BRD9: variants seen among roughly 807,000 people sequenced by gnomAD.
BRD9 encodes bromodomain-containing protein 9.
BRD9 carries 47 observed loss-of-function variants against 68.7 expected under a neutral mutation model. The observed-to-expected ratio is 0.68, with a 90% CI of 0.54 to 0.87. The LOEUF (loss-of-function observed/expected upper bound fraction) is 0.87, where lower values mean the gene tolerates loss of function less well. Among genes scored for constraint, BRD9 ranks in the 40% least tolerant of loss-of-function variants. The pLI is 0.00. For synonymous variants in BRD9, 313 were observed against 293.9 expected, an observed-to-expected ratio of 1.06 and a Z score of -0.67; for missense variants, 670 against 748.4, an observed-to-expected ratio of 0.90 and a Z score of 1.22.
intron 14 of BRD9, 84 bp downstream of exon 14, chr5:870,389 A>T (rs2150559894): frequency 9.6e-7 from 1 of 1,038,172 alleles, no homozygotes; most frequent in East Asian, 2.4e-5. Context: ...CTAGTCAGGA[A>T]GGGAGAGGAG....
At chr5:883,660 A>T in intron 8 of BRD9, 1 of 524,122 alleles carries the variant, frequency 1.9e-6, no homozygotes. Context: ...AAGAGAAAGG[A>T]TTAGCCTGCA....
intron 1 of BRD9, chr5:892,136 T>G: frequency 2.1e-6 from 1 of 483,564 alleles, no homozygotes; most frequent in East Asian, 4.1e-5. Flanking sequence ...GAAGATGGAT[T>G]AAGAGGGACC....
At chr5:871,229 G>A (rs1750085288) in intron 13 of BRD9, among the ~76,000 whole-genome samples, 1 of 152,196 alleles carries the variant, frequency 6.6e-6, no homozygotes, top group Admixed American at 6.5e-5. Context: ...CACCAAGCAG[G>A]TCCTGAGAAG....
intron 9 of BRD9, among the ~76,000 whole-genome samples, chr5:880,280 C>A: frequency 7.2e-6 from 1 of 138,890 alleles, no homozygotes. Context: ...ATGCTCAAGT[C>A]ACCACCCACA....
At chr5:875,689 A>G (rs1332190618) in intron 12 of BRD9, among the ~76,000 whole-genome samples, 1 of 152,202 alleles carries the variant, frequency 6.6e-6, no homozygotes, top group African/African-American at 2.4e-5. Flanking sequence ...AACCTATTTT[A>G]CAGTAGATGG....
At chr5:878,016 G>A (rs1751217687) in intron 11 of BRD9, among the ~76,000 whole-genome samples, 1 of 152,170 alleles carries the variant, frequency 6.6e-6, no homozygotes, top group South Asian at 2.1e-4. Flanking sequence ...CAGCCCCCAG[G>A]AATAAGACCC....
intron 2 of BRD9, 93 bp downstream of exon 2, chr5:891,547 A>C: frequency 1.3e-6 from 2 of 1,487,260 alleles, no homozygotes; most frequent in Non-Finnish European, 1.8e-6. Context: ...CCCCTCCTCC[A>C]GCCACGCAGG....
At chr5:880,634 C>T (rs555786308) in intron 9 of BRD9, among the ~76,000 whole-genome samples, 13 of 152,216 alleles carry the variant, frequency 8.5e-5, no homozygotes, top group Non-Finnish European at 1.9e-4. Context: ...TAATTACTTC[C>T]AGGCCAACAA....
intron 14 of BRD9, among the ~76,000 whole-genome samples, chr5:869,867 A>C (rs1749886012): frequency 6.6e-6 from 1 of 152,210 alleles, no homozygotes; most frequent in Non-Finnish European, 1.5e-5. Flanking sequence ...AAACATATCA[A>C]AACAAGCTGC....
intron 15 of BRD9, 110 bp from the exon 16 acceptor site, chr5:864,678 T>A (rs1410765146): frequency 1.1e-6 from 1 of 877,376 alleles, no homozygotes; most frequent in East Asian, 2.7e-5. Context: ...GCTCAGGGAC[T>A]CCCAGGACAC....
At chr5:883,275 C>T (rs919910339) in intron 8 of BRD9, 13 of 450,356 alleles carry the variant, frequency 2.9e-5, no homozygotes, top group Admixed American at 2.7e-4. Flanking sequence ...CTCAAATTAA[C>T]GTTTTCTACA....
intron 11 of BRD9, among the ~76,000 whole-genome samples, chr5:877,442 G>A (rs949717260): frequency 6.6e-6 from 1 of 152,166 alleles, no homozygotes; most frequent in African/African-American, 2.4e-5. Flanking sequence ...AGCACTAAGG[G>A]GATTCTTGTT....
intron 10 of BRD9, 111 bp from the exon 11 acceptor site, chr5:878,598 C>T: frequency 6.9e-7 from 1 of 1,456,772 alleles, no homozygotes; most frequent in Non-Finnish European, 9.4e-7. Flanking sequence ...GCCAGCACCC[C>T]AGTCTCACCT....
At chr5:886,525 A>G (rs1192753374) in intron 7 of BRD9, 67 bp downstream of exon 7, 1 of 1,437,798 alleles carries the variant, frequency 7.0e-7, no homozygotes, top group Non-Finnish European at 9.6e-7. Context: ...CTCCCCTACA[A>G]GGCACCTGCT....
chr5:871,439 C>G (rs1052677833), intron 13 of BRD9, 87 bp downstream of exon 13: 11 of 1,224,908 alleles, frequency 9.0e-6, no homozygotes, highest in African/African-American at 3.0e-5. Context: ...CGCCGTCATA[C>G]ACACAGACCT....
At chr5:873,630 G>A (rs558972013) in intron 12 of BRD9, among the ~76,000 whole-genome samples, 1 of 152,346 alleles carries the variant, frequency 6.6e-6, no homozygotes, top group East Asian at 1.9e-4. Context: ...GGGGAGGCCA[G>A]GATTTATACA....
Position 891,192 on chromosome 5 carries a change from G to A in BRD9, c.363C>T (p.Pro121=). Residue 121 remains proline (P), a synonymous_variant, in exon 3 of 16, where the codon CCC becomes CCT. Transcript: ENST00000467963. ...GGCACGCTCGGACTGGCCGATCTGG[G>A]GGCGGCTCCACCTCCACCTTCTTCC... is the stretch of plus-strand genomic sequence containing the variant. ...DPGKKVEVEP[P]PDRPVRACRT... The A allele has an allele frequency of 6.4e-7, 1 of 1,551,870 alleles. No homozygotes were observed. Among genetic ancestry groups the A allele is most frequent in the South Asian group, 1.2e-5 (1 of 84,062 alleles).
At chr5:877,144 T>C (rs1326870192) in intron 11 of BRD9, among the ~76,000 whole-genome samples, 1 of 152,198 alleles carries the variant, frequency 6.6e-6, no homozygotes, top group East Asian at 1.9e-4. Flanking sequence ...AGTCCACTGA[T>C]GTGCCACATG....
At chr5:883,354 C>T (rs1480409518) in intron 8 of BRD9, 2 of 456,838 alleles carry the variant, frequency 4.4e-6, no homozygotes, top group East Asian at 1.4e-4. Context: ...ATGTCACCTG[C>T]ATTGCTCTAC....
Sources: gnomAD v4.1 joint callset for allele counts (sites outside exome capture counted in the v4.1 genomes callset) on GRCh38, gnomAD v4.1.1 for gene constraint, MANE v1.5 for transcripts, NCBI Gene and HGNC (gene_info 2026-07-23, HGNC 2026-07-21) for gene names.